Variants in ANKRD46 observed in about 807,000 individuals in gnomAD.
ANKRD46 encodes the protein ankyrin repeat domain-containing protein 46.
Under a neutral mutation model 19.8 loss-of-function variants are expected in ANKRD46, and 13 were observed. The observed-to-expected ratio is 0.66, with a 90% CI of 0.43 to 1.04. The LOEUF is 1.04. Among genes scored for constraint, ANKRD46 ranks in the 50% least tolerant of loss-of-function variants. ANKRD46 has a pLI of 0.00. For missense variants in ANKRD46, 185 were observed against 274.8 expected (o/e 0.67, Z 2.31); for synonymous variants, 91 against 106.9 (o/e 0.85, Z 0.92).
rs184822679 is a variant in ANKRD46, at chr8:100,514,373, A to T, written c.637-3734T>A. Among the ~76,000 whole-genome samples the T allele has an allele frequency of 3.5e-3, 526 of 152,036 alleles. 2 individuals carry two copies. Among genetic ancestry groups the T allele is most frequent in the Non-Finnish European group, 5.6e-3 (381 of 67,976 alleles). ...TCCAGCAAATATTTATCTATTTTTAAAAAAAAAATTAGGAGATTTACTATT... is the reference window on the plus strand; with the variant it reads ...TCCAGCAAATATTTATCTATTTTTATAAAAAAAATTAGGAGATTTACTATT... On this transcript the variant is annotated intron_variant, in intron 5 of 5. Coordinates refer to the ANKRD46 transcript ENST00000520552.
In ANKRD46 at chr8:100,527,217, A is replaced by G. The variant is rs1811858734; in HGVS notation, c.470+628T>C. Among the ~76,000 whole-genome samples the G allele has an allele frequency of 6.6e-6, 1 of 152,204 alleles. No homozygotes were observed. ...ATCTTAGCTTCGATTACTCACAGGAATCCAAATTTCATTAGCTCCAACTCA... is the reference window on the plus strand; with the variant it reads ...ATCTTAGCTTCGATTACTCACAGGAGTCCAAATTTCATTAGCTCCAACTCA... On this transcript the variant is annotated intron_variant, in intron 4 of 4. Transcript: ENST00000335659. This position sits in a 1 kb window ranked among gnomAD's most constrained non-coding sequence, Gnocchi z 4.0.
chr8:100,559,300 T>G lies in ANKRD46; in HGVS notation c.-131+411A>C, dbSNP rs1812565374. ...CAACAGCTTGTCCCGGCGCCTGAAC[T>G]GTGCGCTCCTGCAAGCACACGCCGC... On this transcript the variant is annotated intron_variant, in intron 1 of 4. Coordinates refer to ENST00000335659, the MANE Select transcript of ANKRD46 (RefSeq NM_001270377.2). This position sits in a 1 kb window ranked among gnomAD's most constrained non-coding sequence, Gnocchi z 6.0. 1 of 152,260 alleles carries G rather than the reference T, an allele frequency of 6.6e-6. No homozygotes were observed. The highest frequency in any genetic ancestry group is 6.5e-5 in the Admixed American group (1 of 15,282). The allele number at this position is 152,260 out of a possible 1,614,324, so 9.4% of individuals were successfully genotyped here.
Position 100,522,693 on chromosome 8 carries a change from C to T in ANKRD46, c.549G>A (p.Trp183Ter). The change falls in exon 5 of 5, where the codon TGG becomes TGA. Residue 183 changes from tryptophan (W) to a stop codon, truncating the protein, a stop_gained. Transcript: ENST00000335659. LOFTEE classifies it high-confidence loss of function. The stretch of plus-strand genomic sequence containing the variant: ...AGCCCAGATCCTCCACAAACTCCTG[C>T]CACGTGGTTCGGAAGCTGGAGAGGA... ...EGVLSSFRTT[W>*]QEFVEDLGFW... The T allele has an allele frequency of 6.2e-7, 1 of 1,614,106 alleles. No homozygotes were observed. The highest frequency in any genetic ancestry group is 1.1e-5 in the South Asian group (1 of 91,068).
At chr8:100,530,383 A>C (rs1207888979) in intron 2 of ANKRD46, among the ~76,000 whole-genome samples, 3 of 99,520 alleles carry the variant, frequency 3.0e-5, no homozygotes, top group African/African-American at 1.3e-4. Flanking sequence ...TTATGTTTAT[A>C]GCACAATTTT....
chr8:100,558,593 A>G (rs1420940513), intron 1 of ANKRD46, among the ~76,000 whole-genome samples: 2 of 152,250 alleles, frequency 1.3e-5, no homozygotes, highest in Non-Finnish European at 2.9e-5. Context: ...AAAGGAGTTC[A>G]TGTAGGACTC....
downstream of ANKRD46, among the ~76,000 whole-genome samples, chr8:100,519,598 T>C (rs1811688468): frequency 6.6e-6 from 1 of 152,226 alleles, no homozygotes. Context: ...GCATAAACAA[T>C]TTCACAAGTC....
rs1216543758 is a variant in ANKRD46 at position 100,550,412 on chromosome 8, C to T, written c.-131+9299G>A. Reference sequence around the variant, plus strand: ...GTTTTAATTTGCATTTCCCTGATGACATATGACGTGGAGCATCTTTTTCAT... The same window carrying T: ...GTTTTAATTTGCATTTCCCTGATGATATATGACGTGGAGCATCTTTTTCAT... On this transcript the variant is annotated intron_variant, in intron 1 of 4. Coordinates refer to ENST00000335659, the MANE Select transcript of ANKRD46 (RefSeq NM_001270377.2). This position sits in a 1 kb window ranked among gnomAD's most constrained non-coding sequence, Gnocchi z 4.4. 1 of 152,300 alleles carries T rather than the reference C, an allele frequency of 6.6e-6. No homozygotes were observed. The highest frequency in any genetic ancestry group is 1.9e-4 in the East Asian group (1 of 5,214). 9.4% of individuals were successfully genotyped at this position (152,300 alleles called of 1,614,324 possible).
Position 100,544,913 on chromosome 8 carries a change from G to A in ANKRD46, c.-130-11602C>T, listed in dbSNP as rs1183869285. Among the ~76,000 whole-genome samples, 4 of 152,154 alleles carry A rather than the reference G, an allele frequency of 2.6e-5. No homozygotes were observed. Among genetic ancestry groups the A allele is most frequent in the Admixed American group, 6.5e-5 (1 of 15,272 alleles). Reference sequence around the variant, plus strand: ...CTGGTGCTCTTCACAGAGTGAACAAGCAGAGAAGCCCAAGGAGATAATAAC... The same window carrying A: ...CTGGTGCTCTTCACAGAGTGAACAAACAGAGAAGCCCAAGGAGATAATAAC... On this transcript the variant is annotated intron_variant, in intron 1 of 4. Coordinates refer to ENST00000335659, the MANE Select transcript of ANKRD46 (RefSeq NM_001270377.2). The surrounding 1 kb of genome is among the most constrained non-coding windows in gnomAD (Gnocchi z 4.4).
At chr8:100,515,670 G>A (rs2130629529) in intron 5 of ANKRD46, among the ~76,000 whole-genome samples, 1 of 149,302 alleles carries the variant, frequency 6.7e-6, no homozygotes, top group East Asian at 2.0e-4. Flanking sequence ...GAGGGGGGGG[G>A]CGGTGATGGC....
chr8:100,528,055 G>A, intron 3 of ANKRD46, 52 bp from the exon 4 acceptor site: 1 of 1,455,152 alleles, frequency 6.9e-7, no homozygotes, highest in Non-Finnish European at 9.0e-7. Context: ...AGCCATCATA[G>A]CAGTTATACT....
At chr8:100,547,213 C>T (rs1378001193) in intron 1 of ANKRD46, among the ~76,000 whole-genome samples, 1 of 152,062 alleles carries the variant, frequency 6.6e-6, no homozygotes, top group Admixed American at 6.5e-5. Flanking sequence ...ATGTCCCCAC[C>T]CAAATCTCAT....
At chr8:100,518,078 C>G (rs949651938), downstream of ANKRD46, among the ~76,000 whole-genome samples, 2 of 152,154 alleles carry the variant, frequency 1.3e-5, no homozygotes, top group African/African-American at 4.8e-5. Context: ...GTAATCCCAG[C>G]TCCTAGGGAG....
intron 1 of ANKRD46, chr8:100,554,446 A>G (rs1812453609): frequency 6.6e-6 from 1 of 152,256 alleles, no homozygotes; most frequent in South Asian, 2.1e-4. Context: ...GGCTGGGTGC[A>G]GTGACTCACA....
downstream of ANKRD46, chr8:100,520,741 T>TAAAAAAAAAAAAAA: frequency 1.5e-6 from 1 of 677,914 alleles, no homozygotes; most frequent in Non-Finnish European, 1.8e-6. Context: ...TATAATACAC[T>TAAAAAAAAAAAAAA]AAAAAAAAAA....
At chr8:100,548,298 C>T (rs1229109406) in intron 1 of ANKRD46, among the ~76,000 whole-genome samples, 1 of 152,066 alleles carries the variant, frequency 6.6e-6, no homozygotes, top group Non-Finnish European at 1.5e-5. Flanking sequence ...ACCATTCCCC[C>T]TTCTTGTTCT....
At chr8:100,556,400 T>C (rs1812501254) in intron 1 of ANKRD46, among the ~76,000 whole-genome samples, 1 of 152,212 alleles carries the variant, frequency 6.6e-6, no homozygotes, top group Non-Finnish European at 1.5e-5. Context: ...TAAGTATACA[T>C]TATTATTATG....
chr8:100,545,399 C>T lies in ANKRD46; in HGVS notation c.-130-12088G>A, dbSNP rs1207109364. 2.0e-5 allele frequency among the ~76,000 whole-genome samples: 3 copies of T among 152,104 alleles called. No individual in the cohort carries two copies. The highest frequency in any genetic ancestry group is 4.4e-5 in the Non-Finnish European group (3 of 67,962). ...GGGAGGGCTCATAAATAAGATCAGA[C>T]GGTTTTAAAATTGGTCGTTTCCCCT... On this transcript the variant is annotated intron_variant, in intron 1 of 4. Transcript: ENST00000335659. This position sits in a 1 kb window ranked among gnomAD's most constrained non-coding sequence, Gnocchi z 4.7.
At position 100,524,304 on chromosome 8, in the gene ANKRD46, C is replaced by T. The variant is rs542595107; in HGVS notation, c.471-1533G>A. On this transcript the variant is annotated intron_variant, in intron 4 of 4. Coordinates refer to ENST00000335659, the MANE Select transcript of ANKRD46 (RefSeq NM_001270377.2). The surrounding 1 kb of genome is among the most constrained non-coding windows in gnomAD (Gnocchi z 4.3). Reference sequence around the variant, plus strand: ...CAAAGTTCATTACTATCCTTCCTAACTCCCATAAAACAGTATCTTAGAGTC... The same window carrying T: ...CAAAGTTCATTACTATCCTTCCTAATTCCCATAAAACAGTATCTTAGAGTC... 5.0e-4 allele frequency among the ~76,000 whole-genome samples: 76 copies of T among 152,310 alleles called. No homozygotes were observed. Among genetic ancestry groups the T allele is most frequent in the African/African-American group, 1.8e-3 (73 of 41,546 alleles).
Position 100,522,864 on chromosome 8 carries a change from T to TACACAC in ANKRD46, c.471-99_471-94dup, listed in dbSNP as rs199938933. The TACACAC allele has an allele frequency of 3.9e-3, 2,340 of 593,752 alleles. 16 individuals are homozygous for TACACAC. The highest frequency in any genetic ancestry group is 0.024 in the African/African-American group (1,209 of 50,118). The allele number at this position is 593,752 out of a possible 1,614,324, so 36.8% of individuals were successfully genotyped here. A position where few individuals can be genotyped will look rare whatever the true frequency, so the allele number is the denominator to read the frequency against. On this transcript the variant is annotated intron_variant, in intron 4 of 4. Coordinates refer to ENST00000335659, the MANE Select transcript of ANKRD46 (RefSeq NM_001270377.2). Reference sequence around the variant, plus strand: ...GGGCTACTATTTAGAAAAGACCAAATACACACACACACACACACACACACA... The same window carrying TACACAC: ...GGGCTACTATTTAGAAAAGACCAAATACACACACACACACACACACACACACACACA...
Sources: allele counts gnomAD v4.1 joint callset (sites outside exome capture counted in the v4.1 genomes callset), GRCh38; gene constraint gnomAD v4.1.1; non-coding constraint Gnocchi (gnomAD v3.1); transcripts MANE v1.5; gene names NCBI Gene and HGNC (gene_info 2026-07-23, HGNC 2026-07-21).